Variants in TBL1Y observed in about 807,000 individuals in gnomAD.
TBL1Y encodes the protein F-box-like/WD repeat-containing protein TBL1Y.
TBL1Y carries 15 observed loss-of-function variants against 12.0 expected under a neutral mutation model. The observed-to-expected ratio is 1.25, with a 90% confidence interval of 0.83 to 1.92. The LOEUF (loss-of-function observed/expected upper bound fraction) is 1.92. Ranked by LOEUF, TBL1Y falls within the 40% of genes most tolerant of loss-of-function variation. The probability of loss-of-function intolerance (pLI) is 0.00; values close to 1 mark genes in which losing one functional copy is unlikely to be tolerated. For synonymous variants in TBL1Y, 53 were observed against 42.6 expected (o/e 1.24, Z -0.95); for missense variants, 148 against 116.7 (o/e 1.27, Z -1.24).
At chrY:7,006,630 G>A (rs2012487783) in intron 4 of TBL1Y, among the ~76,000 whole-genome samples, 1 of 33,292 alleles carries the variant, frequency 3.0e-5, no homozygotes, top group Non-Finnish European at 7.4e-5. Flanking sequence ...AAACTAAAGA[G>A]CTTCTGCACA....
intron 2 of TBL1Y, among the ~76,000 whole-genome samples, chrY:6,950,767 A>C: frequency 3.0e-5 from 1 of 33,198 alleles, no homozygotes; most frequent in African/African-American, 1.2e-4. Context: ...TTATGTATAT[A>C]TTTTAAGTTC....
intron 8 of TBL1Y, among the ~76,000 whole-genome samples, chrY:7,067,686 CT>C (rs1198184506): frequency 2.7e-4 from 9 of 33,068 alleles, no homozygotes; most frequent in Non-Finnish European, 6.7e-4. Flanking sequence ...CCTAAGCCAC[CT>C]TTGTACACAT....
chrY:6,964,752 A>G, intron 2 of TBL1Y, among the ~76,000 whole-genome samples: 1 of 32,589 alleles, frequency 3.1e-5, no homozygotes, highest in Admixed American at 2.8e-4. Context: ...CTTCCTTCAT[A>G]TCTTTTAACA....
intron 7 of TBL1Y, among the ~76,000 whole-genome samples, chrY:7,063,648 G>A: frequency 3.0e-5 from 1 of 33,049 alleles, no homozygotes; most frequent in Non-Finnish European, 7.5e-5. Context: ...GAAAAAGGTT[G>A]CTTTGTGAGG....
rs773582389 is a variant in TBL1Y at position 7,040,627 on chromosome Y, G to A, written c.59-2353G>A. On this transcript the variant is annotated intron_variant, in intron 6 of 18. Transcript: ENST00000383032. ...TGGCAATGGAGTCTGTGTCCATGCAGGGAATTCAAGAATTTTTGTTCCTCT... is the reference window on the plus strand; with the variant it reads ...TGGCAATGGAGTCTGTGTCCATGCAAGGAATTCAAGAATTTTTGTTCCTCT... 8.8e-5 allele frequency among the ~76,000 whole-genome samples: 3 copies of A among 33,911 alleles called. No individual in the cohort carries two copies. In the East Asian group the frequency reaches 2.3e-3, roughly 26 times the overall value. The allele number at this position is 33,911 out of a possible 37,273, so 91.0% of individuals were successfully genotyped here.
At chrY:7,002,611 A>C in intron 4 of TBL1Y, among the ~76,000 whole-genome samples, 1 of 33,899 alleles carries the variant, frequency 2.9e-5, no homozygotes, top group African/African-American at 1.2e-4. Flanking sequence ...GGAGTGCAGG[A>C]AAGTGTTTAT....
At position 6,922,719 on chromosome Y, in the gene TBL1Y, G is replaced by C; in HGVS notation, c.-266+10547G>C. On this transcript the variant is annotated intron_variant, in intron 2 of 18. Transcript: ENST00000383032. ...TTAGCTAGAAAGAAAAGTTCTCCAA[G>C]TCCCCACCCATCCCAGAAGCCCAGT... Among the ~76,000 whole-genome samples the C allele has an allele frequency of 8.7e-5, 3 of 34,550 alleles. No homozygotes were observed. The East Asian group carries it at 2.4e-3, about 27-fold the overall frequency. The allele number at this position is 34,550 out of a possible 37,273, so 92.7% of individuals were successfully genotyped here. A position where few individuals can be genotyped will look rare whatever the true frequency, so the allele number is the denominator to read the frequency against.
At chrY:6,972,265 G>T (rs2012213491) in intron 2 of TBL1Y, among the ~76,000 whole-genome samples, 1 of 32,699 alleles carries the variant, frequency 3.1e-5, no homozygotes, top group South Asian at 7.1e-4. Context: ...CTACCCTCAG[G>T]CAATCCCTAT....
At chrY:6,953,195 G>A in intron 2 of TBL1Y, among the ~76,000 whole-genome samples, 1 of 32,750 alleles carries the variant, frequency 3.1e-5, no homozygotes, top group Non-Finnish European at 7.4e-5. Context: ...GTGGCATTCC[G>A]TGTTATTTCC....
At chrY:7,076,308 A>G (rs1603050378) in intron 13 of TBL1Y, among the ~76,000 whole-genome samples, 1 of 32,695 alleles carries the variant, frequency 3.1e-5, no homozygotes, top group South Asian at 7.1e-4. Flanking sequence ...GACCCCAGAG[A>G]CTGATGGAAG....
intron 8 of TBL1Y, among the ~76,000 whole-genome samples, chrY:7,064,957 T>C (rs768403439): frequency 1.1e-3 from 36 of 33,827 alleles, no homozygotes; most frequent in South Asian, 2.7e-3. Context: ...TCTGGCTTTT[T>C]ATTTATAAAG....
intron 4 of TBL1Y, among the ~76,000 whole-genome samples, chrY:7,000,243 C>G: frequency 2.7e-4 from 9 of 33,260 alleles, no homozygotes; most frequent in African/African-American, 9.4e-4. Flanking sequence ...AGCACTCTAT[C>G]TTTGTGCAGC....
intron 2 of TBL1Y, among the ~76,000 whole-genome samples, chrY:6,964,433 G>A: frequency 3.0e-5 from 1 of 33,577 alleles, no homozygotes; most frequent in Non-Finnish European, 7.4e-5. Context: ...CAGGCCCTGA[G>A]GCAAATAGCC....
chrY:6,926,378 C>T, intron 2 of TBL1Y, among the ~76,000 whole-genome samples: 1 of 33,021 alleles, frequency 3.0e-5, no homozygotes, highest in Non-Finnish European at 7.4e-5. Flanking sequence ...GTTGTACTCC[C>T]GTTTCCTTTG....
intron 4 of TBL1Y, among the ~76,000 whole-genome samples, chrY:7,002,456 G>A (rs2012458863): frequency 3.0e-5 from 1 of 33,517 alleles, no homozygotes; most frequent in African/African-American, 1.2e-4. Context: ...GTACCCAGGC[G>A]CCTGAGGGAA....
intron 2 of TBL1Y, among the ~76,000 whole-genome samples, chrY:6,953,493 G>A: frequency 8.9e-5 from 3 of 33,711 alleles, no homozygotes; most frequent in East Asian, 1.6e-3. Context: ...TTGTGCATTC[G>A]TCACGTAGTT....
In TBL1Y at chrY:7,063,966, G is replaced by T; in HGVS notation, c.274G>T (p.Val92Leu). Residue 92 changes from valine (V) to leucine (L), a missense_variant, in exon 8 of 19, where the codon GTG becomes TTG. Physicochemically the swap from Val to Leu is conservative, Grantham distance 32. Transcript: ENST00000383032. ...SLIVAVIPDV[V>L]QMRQQAFGEK... Reference sequence around the variant, plus strand: ...GATAGTTGCTGTGATTCCTGATGTGGTGCAGATGCGGCAGCAGGCATTTGG... The same window carrying T: ...GATAGTTGCTGTGATTCCTGATGTGTTGCAGATGCGGCAGCAGGCATTTGG... 3 of 398,123 alleles carry T rather than the reference G, an allele frequency of 7.5e-6. No individual in the cohort carries two copies. Among genetic ancestry groups the T allele is most frequent in the Non-Finnish European group, 1.1e-5 (3 of 283,347 alleles).
chrY:6,915,291 T>A, intron 2 of TBL1Y, among the ~76,000 whole-genome samples: 1 of 33,725 alleles, frequency 3.0e-5, no homozygotes, highest in Non-Finnish European at 7.3e-5. Context: ...CAAAGTCTTC[T>A]GTATTAAAAG....
At chrY:6,978,343 C>G in intron 3 of TBL1Y, 100 bp downstream of exon 3, 2 of 33,869 alleles carry the variant, frequency 5.9e-5, no homozygotes, top group East Asian at 7.8e-4. Context: ...ATTGACCTTT[C>G]CAGGTGAAGA....
Sources: allele counts gnomAD v4.1 joint callset (sites outside exome capture counted in the v4.1 genomes callset), GRCh38; gene constraint gnomAD v4.1.1; transcripts MANE v1.5; gene names NCBI Gene and HGNC (gene_info 2026-07-23, HGNC 2026-07-21).